Variants in TRIP11 observed in about 807,000 individuals in gnomAD.
The protein encoded by TRIP11 is thyroid receptor-interacting protein 11.
TRIP11 carries 148 observed loss-of-function variants against 223.1 expected under a neutral mutation model. The observed-to-expected ratio is 0.66, with a 90% CI of 0.58 to 0.76. TRIP11 has a LOEUF of 0.76. Ranked by LOEUF, TRIP11 falls within the 30% of genes least tolerant of loss-of-function variation. The pLI, the probability that TRIP11 is intolerant of heterozygous loss-of-function variation, is 0.00. For synonymous variants in TRIP11, 762 were observed against 772.6 expected (o/e 0.99, Z 0.23); for missense variants, 2,043 against 2,222.0 (o/e 0.92, Z 1.62).
At chr14:91,982,637 G>A (rs574700810) in intron 16 of TRIP11, among the ~76,000 whole-genome samples, 1 of 152,240 alleles carries the variant, frequency 6.6e-6, no homozygotes, top group East Asian at 1.9e-4. Context: ...TTTTTAATGA[G>A]ATATTTCATG....
chr14:91,987,384 T>C (rs183566264), intron 16 of TRIP11, among the ~76,000 whole-genome samples: 659 of 152,324 alleles, frequency 4.3e-3, no homozygotes, highest in Non-Finnish European at 7.1e-3. Context: ...TTGGTCTCCA[T>C]GCGTCAGTGG....
intron 4 of TRIP11, among the ~76,000 whole-genome samples, chr14:92,018,117 C>G (rs1282040785): frequency 7.1e-6 from 1 of 141,768 alleles, no homozygotes; most frequent in East Asian, 2.1e-4. Context: ...TTTTTTGAGA[C>G]AGGGTCTTTC....
intron 8 of TRIP11, 34 bp downstream of exon 8, chr14:92,011,721 T>C (rs567844287): frequency 1.9e-5 from 30 of 1,582,744 alleles, no homozygotes; most frequent in Non-Finnish European, 2.4e-5. Context: ...TTCCACTGTC[T>C]CTATGCACAT....
In TRIP11 at chr14:92,025,430, A is replaced by G. The variant is rs2057169940; in HGVS notation, c.202-10T>C. ...TCTTAAGCCTTTCATTCTAGAAAAA[A>G]AAAGTATTTTCAACAAAAAGACTGC... On this transcript the variant is annotated splice_polypyrimidine_tract_variant and intron_variant, in intron 2 of 20. Transcript: ENST00000267622. The G allele has an allele frequency of 1.2e-6, 2 of 1,603,112 alleles. No individual in the cohort carries two copies. The highest frequency in any genetic ancestry group is 1.7e-6 in the Non-Finnish European group (2 of 1,172,692).
intron 12 of TRIP11, among the ~76,000 whole-genome samples, chr14:91,999,636 A>AT (rs1171947257): frequency 2.0e-5 from 3 of 152,184 alleles, no homozygotes; most frequent in African/African-American, 7.2e-5. Flanking sequence ...CCAGAATCTT[A>AT]TTCCCCTGTG....
chr14:91,996,698 A>G (rs982846811), intron 13 of TRIP11, among the ~76,000 whole-genome samples: 1 of 152,244 alleles, frequency 6.6e-6, no homozygotes, highest in Admixed American at 6.5e-5. Context: ...AATGGATTCT[A>G]TGACACTCCC....
chr14:91,973,111 C>T lies in TRIP11; in HGVS notation c.5575-250G>A, dbSNP rs2295163. On this transcript the variant is annotated intron_variant, in intron 19 of 20. Coordinates refer to ENST00000267622, the MANE Select transcript of TRIP11 (RefSeq NM_004239.4). ...CACTATCTCGGCTCACTGCAACCTCCGCCTCCCAGGTTCAAGTGATTCTCC... is the reference window on the plus strand; with the variant it reads ...CACTATCTCGGCTCACTGCAACCTCTGCCTCCCAGGTTCAAGTGATTCTCC... Among the ~76,000 whole-genome samples the T allele has an allele frequency of 0.29, 43,020 of 150,838 alleles. 6,412 individuals are homozygous for T. The highest frequency in any genetic ancestry group is 0.34 in the Middle Eastern group (100 of 294).
chr14:91,973,084 G>A lies in TRIP11; in HGVS notation c.5575-223C>T, dbSNP rs145621194. Among the ~76,000 whole-genome samples, 1,112 of 147,232 alleles carry A rather than the reference G, an allele frequency of 7.6e-3. 8 individuals carry two copies. The highest frequency in any genetic ancestry group is 0.015 in the South Asian group (70 of 4,698). On this transcript the variant is annotated intron_variant, in intron 19 of 20. Coordinates refer to ENST00000267622, the MANE Select transcript of TRIP11 (RefSeq NM_004239.4). ...TCTGTCGCCCAGGCTGGAGTGCAAT[G>A]GCACTATCTCGGCTCACTGCAACCT...
Position 92,005,558 on chromosome 14 carries a change from CA to C in TRIP11, c.2417del (p.Leu806Ter). 3.1e-6 allele frequency: 5 copies of C among 1,612,234 alleles called. No individual in the cohort carries two copies. The highest frequency in any genetic ancestry group is 4.2e-6 in the Non-Finnish European group (5 of 1,179,724). On this transcript the variant is annotated frameshift_variant, in exon 11 of 21. Coordinates refer to ENST00000267622, the MANE Select transcript of TRIP11 (RefSeq NM_004239.4). LOFTEE classifies it high-confidence loss of function. The stretch of plus-strand genomic sequence containing the variant: ...TTTCTTTCTTGTTTATAAGTTGTGT[CA>C]ACTGCTTCTGCTCTTCTAAACTAGA... ...LSSSLEEQKQ[L>X]TQLINKKEIF...
intron 2 of TRIP11, 144 bp downstream of exon 2, chr14:92,033,048 A>C: frequency 3.0e-6 from 2 of 656,854 alleles, no homozygotes. Context: ...AAGGTTGATA[A>C]AAGCTCAAAA....
At position 92,004,817 on chromosome 14, in the gene TRIP11, T is replaced by G. The variant is rs907789970; in HGVS notation, c.3159A>C (p.Glu1053Asp). The G allele has an allele frequency of 6.2e-7, 1 of 1,614,102 alleles. No homozygotes were observed. The highest frequency in any genetic ancestry group is 8.5e-7 in the Non-Finnish European group (1 of 1,180,014). ...GAATAATCTGAGTTAGTTTACCAACTTCATCTTTGGACAACTGATCAATCT... is the reference window on the plus strand; with the variant it reads ...GAATAATCTGAGTTAGTTTACCAACGTCATCTTTGGACAACTGATCAATCT... ...TKQIDQLSKD[E>D]VGKLTQIIQQ... Residue 1053 changes from glutamate (E) to aspartate (D), a missense_variant, in exon 11 of 21, where the codon GAA becomes GAC. Physicochemically the swap from Glu to Asp is conservative, Grantham distance 45 (BLOSUM62 2). Transcript: ENST00000267622.
At chr14:92,011,400 A>G (rs1277301375) in intron 8 of TRIP11, among the ~76,000 whole-genome samples, 1 of 144,956 alleles carries the variant, frequency 6.9e-6, no homozygotes, top group Admixed American at 7.0e-5. Flanking sequence ...CTGAGGCAGG[A>G]GAATCGCTTG....
intron 12 of TRIP11, 121 bp from the exon 13 acceptor site, chr14:91,999,554 T>G: frequency 9.4e-7 from 1 of 1,062,416 alleles, no homozygotes; most frequent in Non-Finnish European, 1.4e-6. Flanking sequence ...TTTCTCATAC[T>G]GCAAAATGTA....
At position 91,973,272 on chromosome 14, in the gene TRIP11, C is replaced by G. The variant is rs748316906; in HGVS notation, c.5575-411G>C. 2.4e-4 allele frequency among the ~76,000 whole-genome samples: 37 copies of G among 152,156 alleles called. 1 individual carries two copies. Among genetic ancestry groups the G allele is most frequent in the Admixed American group, 2.0e-3 (30 of 15,268 alleles). ...AACTCCTGACCCTGTGATCCGCCCA[C>G]CTCGGCCTCCCAAAGTGCGGGGATT... On this transcript the variant is annotated intron_variant, in intron 19 of 20. Transcript: ENST00000267622.
At chr14:92,017,896 G>C (rs2140133492) in intron 4 of TRIP11, 146 bp from the exon 5 acceptor site, 2 of 668,148 alleles carry the variant, frequency 3.0e-6, no homozygotes, top group African/African-American at 1.8e-5. Flanking sequence ...ACCTTTTAAA[G>C]AACCTAGTCT....
chr14:92,026,848 T>A, intron 2 of TRIP11: 1 of 1,500,944 alleles, frequency 6.7e-7, no homozygotes, highest in South Asian at 1.2e-5. Context: ...AGGATGACGA[T>A]GTTGATACCA....
chr14:92,016,018 T>C (rs2057031335), intron 5 of TRIP11, among the ~76,000 whole-genome samples, 157 bp from the exon 6 acceptor site: 2 of 152,248 alleles, frequency 1.3e-5, no homozygotes, highest in South Asian at 4.1e-4. Flanking sequence ...ATTAGGACTA[T>C]TCTGAACAAC....
At position 92,017,662 on chromosome 14, in the gene TRIP11, C is replaced by G. The variant is rs1210831721; in HGVS notation, c.657+20G>C. 8.2e-6 allele frequency: 13 copies of G among 1,582,914 alleles called. No homozygotes were observed. The highest frequency in any genetic ancestry group is 1.1e-5 in the Non-Finnish European group (13 of 1,153,288). On this transcript the variant is annotated intron_variant, in intron 5 of 20. Transcript: ENST00000267622. ...GATTTAGATGTATAACTCCCATCAT[C>G]AATCAACAATTTGACTTACCTTAAT...
At chr14:92,025,973 G>A (rs940554310) in intron 2 of TRIP11, among the ~76,000 whole-genome samples, 5 of 151,700 alleles carry the variant, frequency 3.3e-5, no homozygotes, top group South Asian at 2.1e-4. Context: ...TGCTCAGATT[G>A]ATTTTCTGCT....
Sources: allele counts gnomAD v4.1 joint callset (sites outside exome capture counted in the v4.1 genomes callset), GRCh38; gene constraint gnomAD v4.1.1; transcripts MANE v1.5; gene names NCBI Gene and HGNC (gene_info 2026-07-23, HGNC 2026-07-21).